MRPS27: variants seen among roughly 807,000 people sequenced by gnomAD.
The protein encoded by MRPS27 is small ribosomal subunit protein mS27.
A neutral mutation model predicts 48.9 loss-of-function variants in MRPS27; 43 were observed. The observed-to-expected ratio is 0.88, with a 90% confidence interval of 0.69 to 1.13. MRPS27 has a LOEUF of 1.13. Ranked by LOEUF, MRPS27 falls within the 50% of genes most tolerant of loss-of-function variation. MRPS27 has a pLI of 0.00. For synonymous variants in MRPS27, 188 were observed against 171.9 expected (o/e 1.09, Z -0.73); for missense variants, 467 against 476.3 (o/e 0.98, Z 0.18).
intron 2 of MRPS27, chr5:72,307,857 T>A (rs2112081822): frequency 6.6e-6 from 1 of 152,338 alleles, no homozygotes; most frequent in East Asian, 1.9e-4. Context: ...GTATGTATAT[T>A]ATACTCCAAT....
intron 2 of MRPS27, among the ~76,000 whole-genome samples, chr5:72,311,619 G>A (rs1009481533): frequency 3.9e-5 from 6 of 152,108 alleles, no homozygotes; most frequent in Admixed American, 2.0e-4. Context: ...CAGCCCCCTC[G>A]CCATGTGATG....
intron 2 of MRPS27, among the ~76,000 whole-genome samples, chr5:72,313,757 G>A (rs781728224): frequency 6.6e-6 from 1 of 152,098 alleles, no homozygotes; most frequent in Non-Finnish European, 1.5e-5. Flanking sequence ...CTGACAATAA[G>A]ACAGGATGAA....
At chr5:72,275,949 C>T (rs1037684637) in intron 4 of MRPS27, among the ~76,000 whole-genome samples, 2 of 151,176 alleles carry the variant, frequency 1.3e-5, no homozygotes, top group African/African-American at 2.4e-5. Context: ...GTACTGATAA[C>T]GCTTGGTACT....
At chr5:72,230,871 C>T (rs913446172) in intron 7 of MRPS27, among the ~76,000 whole-genome samples, 2 of 152,106 alleles carry the variant, frequency 1.3e-5, no homozygotes, top group East Asian at 1.9e-4. Flanking sequence ...CCCTGCTTCC[C>T]TGCCTCATCT....
At chr5:72,304,208 A>T (rs184119975) in intron 2 of MRPS27, among the ~76,000 whole-genome samples, 1 of 152,234 alleles carries the variant, frequency 6.6e-6, no homozygotes, top group East Asian at 1.9e-4. Flanking sequence ...AAAGTAGAGG[A>T]TATAATCTCC....
chr5:72,262,893 C>T (rs1003091632), intron 4 of MRPS27, among the ~76,000 whole-genome samples: 4 of 152,234 alleles, frequency 2.6e-5, no homozygotes, highest in African/African-American at 7.2e-5. Context: ...GCCTTGGCCT[C>T]CCAAAGTCCT....
rs1750014142 is a variant in MRPS27 at position 72,297,630 on chromosome 5, A to C, written c.222+2T>G. 6.4e-7 allele frequency: 1 copy of C among 1,567,004 alleles called. No individual in the cohort carries two copies. Among genetic ancestry groups the C allele is most frequent in the African/African-American group, 1.4e-5 (1 of 73,688 alleles). ...AAAATATATATGTTAAAATTTTCTT[A>C]CCCGTGATATTGTTAAAGAACTAAC... On this transcript the variant is annotated splice_donor_variant, in intron 3 of 10. Coordinates refer to ENST00000261413, the MANE Select transcript of MRPS27 (RefSeq NM_015084.3). LOFTEE classifies it high-confidence loss of function.
At chr5:72,233,410 A>C (rs1338841235) in intron 6 of MRPS27, among the ~76,000 whole-genome samples, 1 of 152,174 alleles carries the variant, frequency 6.6e-6, no homozygotes, top group Non-Finnish European at 1.5e-5. Flanking sequence ...AGAGAATATT[A>C]ACAATGGCTT....
At position 72,228,360 on chromosome 5, in the gene MRPS27, C is replaced by G. The variant is rs1440337277; in HGVS notation, c.600G>C (p.Glu200Asp). 1.2e-6 allele frequency: 2 copies of G among 1,609,898 alleles called. No homozygotes were observed. The highest frequency in any genetic ancestry group is 1.7e-6 in the Non-Finnish European group (2 of 1,176,898). ...AAAGGGATGCACCAAAGTTCCTCTC[C>G]TCTTCCCACTGCAACAGAATATACT... ...LAKKTDFSWE[E>D]ERNFGASLLL... Residue 200 changes from glutamate (E) to aspartate (D), a missense_variant, in exon 8 of 11, where the codon GAG becomes GAC. By Grantham distance (45) the Glu-to-Asp change is conservative (BLOSUM62 2). Transcript: ENST00000261413.
chr5:72,242,706 A>T (rs935914382), intron 4 of MRPS27, among the ~76,000 whole-genome samples: 7 of 137,336 alleles, frequency 5.1e-5, no homozygotes, highest in South Asian at 2.4e-4. Flanking sequence ...ACACACACAC[A>T]CTCACGGCAC....
At chr5:72,295,456 A>G (rs1749951583) in intron 4 of MRPS27, 75 bp downstream of exon 4, 1 of 1,116,434 alleles carries the variant, frequency 9.0e-7, no homozygotes, top group African/African-American at 1.6e-5. Flanking sequence ...AATTATACAC[A>G]ACATATACCA....
chr5:72,308,449 A>C lies in MRPS27; in HGVS notation c.151+5632T>G, dbSNP rs567421160. Among the ~76,000 whole-genome samples, 42 of 152,268 alleles carry C rather than the reference A, an allele frequency of 2.8e-4. 1 individual carries two copies. In the East Asian group the frequency reaches 5.0e-3, roughly 18 times the overall value. On this transcript the variant is annotated intron_variant, in intron 2 of 10. Coordinates refer to ENST00000261413, the MANE Select transcript of MRPS27 (RefSeq NM_015084.3). Reference sequence around the variant, plus strand: ...TCAGCGAGCCCGCTTTGAGCACCTCACGGCCCTCCGGCTGGCGGCGCCCAA... The same window carrying C: ...TCAGCGAGCCCGCTTTGAGCACCTCCCGGCCCTCCGGCTGGCGGCGCCCAA...
At chr5:72,269,646 G>C (rs576832815) in intron 4 of MRPS27, among the ~76,000 whole-genome samples, 1 of 152,292 alleles carries the variant, frequency 6.6e-6, no homozygotes, top group South Asian at 2.1e-4. Flanking sequence ...ATCAGGCAAA[G>C]GATGGATTAT....
intron 4 of MRPS27, among the ~76,000 whole-genome samples, chr5:72,292,708 T>C (rs1288273516): frequency 6.6e-6 from 1 of 152,138 alleles, no homozygotes; most frequent in African/African-American, 2.4e-5. Context: ...ATTGCGGAAA[T>C]TTGATCACTA....
intron 4 of MRPS27, among the ~76,000 whole-genome samples, chr5:72,269,336 C>T (rs1749176655): frequency 6.6e-6 from 1 of 152,180 alleles, no homozygotes; most frequent in Non-Finnish European, 1.5e-5. Context: ...GACTTTCAGC[C>T]ACCATCTCGC....
intron 4 of MRPS27, among the ~76,000 whole-genome samples, chr5:72,280,059 T>C (rs1026839360): frequency 1.3e-5 from 2 of 152,236 alleles, no homozygotes. Context: ...GGGTTCTCTC[T>C]ATTCTGCTCC....
At chr5:72,290,448 T>G (rs1386544973) in intron 4 of MRPS27, among the ~76,000 whole-genome samples, 1 of 152,198 alleles carries the variant, frequency 6.6e-6, no homozygotes, top group East Asian at 1.9e-4. Context: ...TCCTTAACAA[T>G]AAACCTTGCA....
chr5:72,266,301 T>A (rs1399414180), intron 4 of MRPS27, among the ~76,000 whole-genome samples: 2 of 152,154 alleles, frequency 1.3e-5, no homozygotes, highest in African/African-American at 4.8e-5. Context: ...AGCTGAACCA[T>A]CCGTAACGTG....
chr5:72,242,440 A>AC (rs1038943471), intron 4 of MRPS27, among the ~76,000 whole-genome samples: 2 of 151,552 alleles, frequency 1.3e-5, no homozygotes, highest in African/African-American at 2.4e-5. Context: ...AAAAAAAAAA[A>AC]AAAACACCAC....
Sources: allele counts gnomAD v4.1 joint callset (sites outside exome capture counted in the v4.1 genomes callset), GRCh38; gene constraint gnomAD v4.1.1; transcripts MANE v1.5; gene names NCBI Gene and HGNC (gene_info 2026-07-23, HGNC 2026-07-21).